The following DOCK10 variants were observed in gnomAD, a reference collection of about 807,000 sequenced individuals.
DOCK10 encodes the protein dedicator of cytokinesis 10.
DOCK10 carries 145 observed loss-of-function variants against 280.1 expected under a neutral mutation model. The ratio of observed to expected loss-of-function variants is 0.52; its 90% CI spans 0.45 to 0.59. The LOEUF is 0.59. Among genes scored for constraint, DOCK10 ranks in the 20% least tolerant of loss-of-function variants. The probability of loss-of-function intolerance (pLI) is 0.00; values close to 1 mark genes in which losing one functional copy is unlikely to be tolerated. For missense variants in DOCK10, 2,368 were observed against 2,651.7 expected (o/e 0.89, Z 2.35); for synonymous variants, 915 against 942.2 (o/e 0.97, Z 0.53).
At chr2:224,907,278 G>A (rs1019977166) in intron 3 of DOCK10, among the ~76,000 whole-genome samples, 1 of 152,160 alleles carries the variant, frequency 6.6e-6, no homozygotes, top group African/African-American at 2.4e-5. Context: ...CTTATAATTT[G>A]CTGTATGAGG....
intron 1 of DOCK10, among the ~76,000 whole-genome samples, chr2:225,023,633 C>A (rs2922435): frequency 0.85 from 129,445 of 152,194 alleles, 55,513 homozygotes; most frequent in African/African-American, 0.96. Flanking sequence ...AGTCTCTGCA[C>A]AACAAGCTGG....
At chr2:224,934,433 C>T (rs1702568739) in intron 1 of DOCK10, among the ~76,000 whole-genome samples, 1 of 152,160 alleles carries the variant, frequency 6.6e-6, no homozygotes, top group Non-Finnish European at 1.5e-5. Flanking sequence ...ATATCCAATG[C>T]ATCATAATTT....
At chr2:224,819,389 T>G in intron 29 of DOCK10, 57 bp downstream of exon 29, 2 of 1,206,544 alleles carry the variant, frequency 1.7e-6, no homozygotes, top group Non-Finnish European at 2.4e-6. Flanking sequence ...AGAGACTACT[T>G]TATTTATTTA....
chr2:224,842,364 A>G (rs1696022430), intron 22 of DOCK10, among the ~76,000 whole-genome samples: 1 of 152,222 alleles, frequency 6.6e-6, no homozygotes, highest in South Asian at 2.1e-4. Flanking sequence ...TCCACAACTC[A>G]TTATCTTAGG....
intron 1 of DOCK10, among the ~76,000 whole-genome samples, chr2:224,975,208 C>T (rs1705361794): frequency 1.3e-5 from 2 of 152,128 alleles, no homozygotes; most frequent in African/African-American, 4.8e-5. Flanking sequence ...ATTACTAAGG[C>T]TCTCATTACA....
At chr2:224,921,096 A>ATATATATATATAT (rs1480408193) in intron 2 of DOCK10, among the ~76,000 whole-genome samples, 2 of 29,972 alleles carry the variant, frequency 6.7e-5, no homozygotes, top group South Asian at 1.5e-3. Flanking sequence ...CTCTATTAAA[A>ATATATATATATAT]AAAAAAAAAA....
At chr2:224,991,888 T>C (rs1706135624) in intron 1 of DOCK10, among the ~76,000 whole-genome samples, 1 of 152,172 alleles carries the variant, frequency 6.6e-6, no homozygotes, top group Non-Finnish European at 1.5e-5. Flanking sequence ...ACTGATGCAT[T>C]AGGGAAATGA....
chr2:225,022,300 A>C (rs1689803101), intron 1 of DOCK10, among the ~76,000 whole-genome samples: 1 of 152,198 alleles, frequency 6.6e-6, no homozygotes, highest in Admixed American at 6.5e-5. Flanking sequence ...TGTGATCTTG[A>C]GCAAGTTACT....
intron 3 of DOCK10, among the ~76,000 whole-genome samples, chr2:224,908,853 T>C (rs1469503390): frequency 6.6e-6 from 1 of 152,210 alleles, no homozygotes; most frequent in Non-Finnish European, 1.5e-5. Flanking sequence ...TTTTATGCCA[T>C]GATCAAAATG....
In DOCK10 at chr2:224,845,272, C is replaced by T. The variant is rs1293912378; in HGVS notation, c.2412G>A (p.Glu804=). The change falls in exon 21 of 56, where the codon GAG becomes GAA. Residue 804 remains glutamate (E), a synonymous_variant. Coordinates refer to ENST00000258390, the MANE Select transcript of DOCK10 (RefSeq NM_014689.3). ...LMKHDQIASQ[E]YNIPIATSLP... ...GACTTGTTGCTATTGGGATGTTGTA[C>T]TCTTGAGAAGCTATCTGATCGTGTT... The T allele has an allele frequency of 1.3e-6, 2 of 1,589,328 alleles. No individual in the cohort carries two copies. Among genetic ancestry groups the T allele is most frequent in the Admixed American group, 1.8e-5 (1 of 56,192 alleles).
chr2:224,873,465 C>T (rs1322010147), intron 11 of DOCK10, among the ~76,000 whole-genome samples: 1 of 151,782 alleles, frequency 6.6e-6, no homozygotes, highest in Non-Finnish European at 1.5e-5. Flanking sequence ...TGCCTGTAGT[C>T]CATTACTTGG....
intron 3 of DOCK10, among the ~76,000 whole-genome samples, chr2:224,908,334 C>T (rs1002257738): frequency 6.7e-6 from 1 of 149,030 alleles, no homozygotes; most frequent in Non-Finnish European, 1.5e-5. Context: ...CTGGTTTGAA[C>T]CCCTTGCTTA....
At chr2:224,881,914 A>T (rs1698997968) in intron 7 of DOCK10, among the ~76,000 whole-genome samples, 2 of 152,152 alleles carry the variant, frequency 1.3e-5, no homozygotes. Flanking sequence ...TGTTTCTCAC[A>T]CCTGGCCTCT....
At chr2:224,867,483 G>A (rs369714047) in intron 11 of DOCK10, among the ~76,000 whole-genome samples, 68 of 152,250 alleles carry the variant, frequency 4.5e-4, no homozygotes, top group African/African-American at 1.5e-3. Context: ...GCCTCTATGT[G>A]GCTTTCCTCT....
chr2:224,980,837 T>C (rs1172872485), intron 1 of DOCK10, among the ~76,000 whole-genome samples: 1 of 152,148 alleles, frequency 6.6e-6, no homozygotes, highest in Admixed American at 6.6e-5. Context: ...TATATTCTTA[T>C]CACCTTATTT....
intron 53 of DOCK10, among the ~76,000 whole-genome samples, chr2:224,771,536 C>T (rs1256805012): frequency 6.6e-6 from 1 of 152,224 alleles, no homozygotes; most frequent in African/African-American, 2.4e-5. Context: ...GGGTTCAATT[C>T]ATGCTCATGC....
intron 40 of DOCK10, 89 bp downstream of exon 40, chr2:224,801,827 A>C (rs990110247): frequency 4.3e-6 from 6 of 1,381,256 alleles, no homozygotes; most frequent in Non-Finnish European, 6.0e-6. Context: ...GCAAACCTTA[A>C]AAACTGTGGT....
intron 48 of DOCK10, among the ~76,000 whole-genome samples, chr2:224,788,172 A>T (rs1691869710): frequency 6.6e-6 from 1 of 152,066 alleles, no homozygotes; most frequent in Non-Finnish European, 1.5e-5. Flanking sequence ...TTGCCTGGCC[A>T]TTCCCCACCC....
intron 14 of DOCK10, chr2:224,861,113 A>G (rs1697471741): frequency 6.6e-6 from 1 of 152,238 alleles, no homozygotes; most frequent in South Asian, 2.1e-4. Flanking sequence ...ATAATTAGTT[A>G]ACCTTTGTCT....
Sources: allele counts gnomAD v4.1 joint callset (sites outside exome capture counted in the v4.1 genomes callset), GRCh38; gene constraint gnomAD v4.1.1; transcripts MANE v1.5; gene names NCBI Gene and HGNC (gene_info 2026-07-23, HGNC 2026-07-21).